The following RXYLT1 variants were observed in gnomAD, a reference collection of about 807,000 sequenced individuals.
RXYLT1 encodes ribitol xylosyltransferase 1.
Under a neutral mutation model 43.5 loss-of-function variants are expected in RXYLT1, and 41 were observed. The ratio of observed to expected loss-of-function variants is 0.94; its 90% CI spans 0.73 to 1.22. RXYLT1 has a LOEUF of 1.22. Among genes scored for constraint, RXYLT1 ranks in the 50% most tolerant of loss-of-function variants. The probability of loss-of-function intolerance (pLI) is 0.00; values close to 1 mark genes in which losing one functional copy is unlikely to be tolerated. For synonymous variants in RXYLT1, 166 were observed against 194.4 expected (o/e 0.85, Z 1.21); for missense variants, 514 against 532.0 (o/e 0.97, Z 0.33).
At chr12:63,780,960 G>T in intron 1 of RXYLT1, 59 bp from the exon 2 acceptor site, 1 of 1,341,166 alleles carries the variant, frequency 7.5e-7, no homozygotes, top group Non-Finnish European at 9.8e-7. Flanking sequence ...TAAATGATTT[G>T]AATTTACCTA....
At chr12:63,798,863 T>C (rs1309733754) in intron 3 of RXYLT1, among the ~76,000 whole-genome samples, 1 of 152,234 alleles carries the variant, frequency 6.6e-6, no homozygotes, top group Non-Finnish European at 1.5e-5. Context: ...TAGTTAAGAA[T>C]GAAATAGGAA....
chr12:63,802,299 C>T lies in RXYLT1; in HGVS notation c.637C>T (p.Pro213Ser). ...NEHCDNEWIN[P>S]FLKRNGGFVE... ...ACATTGTGATAATGAGTGGATAAAC[C>T]CATTCCTCAAAAGAAATGGAGGCTT... is the stretch of plus-strand genomic sequence containing the variant. Residue 213 changes from proline (P) to serine (S), a missense_variant, in exon 4 of 6, where the codon CCA (proline) becomes TCA (serine). Pro to Ser is a moderately conservative substitution (Grantham distance 74). Coordinates refer to ENST00000261234, the MANE Select transcript of RXYLT1 (RefSeq NM_014254.3). 6.2e-7 allele frequency: 1 copy of T among 1,613,646 alleles called. No individual in the cohort carries two copies. The highest frequency in any genetic ancestry group is 8.5e-7 in the Non-Finnish European group (1 of 1,179,706).
In RXYLT1 at chr12:63,802,424, T is replaced by C; in HGVS notation, c.743+19T>C. The C allele has an allele frequency of 1.3e-6, 2 of 1,529,028 alleles. No homozygotes were observed. Among genetic ancestry groups the C allele is most frequent in the Non-Finnish European group, 1.8e-6 (2 of 1,139,794 alleles). The allele number at this position is 1,529,028 out of a possible 1,614,324, so 94.7% of individuals were successfully genotyped here. On this transcript the variant is annotated intron_variant, in intron 4 of 5. Transcript: ENST00000261234. ...TAGCAACGTAAGTACAAAATATGAT[T>C]AAACATTTTTAGGCCCTAACACCTG...
rs769938180 is a variant in RXYLT1, at chr12:63,781,128, A to G, written c.279A>G (p.Lys93=). ...TSLQILDKST[K]GKTDLSVQIW... ...TTCAAATATTAGATAAATCCACGAA[A>G]GGAAAAACAGATCTCAGTGTACAAA... The change falls in exon 2 of 6, where the codon AAA becomes AAG. Residue 93 remains lysine, a synonymous_variant. Transcript: ENST00000261234. 5.0e-5 allele frequency: 80 copies of G among 1,607,596 alleles called. No individual in the cohort carries two copies. Among genetic ancestry groups the G allele is most frequent in the Non-Finnish European group, 6.5e-5 (77 of 1,177,596 alleles).
At chr12:63,791,000 T>G (rs1439004258) in intron 3 of RXYLT1, among the ~76,000 whole-genome samples, 1 of 152,218 alleles carries the variant, frequency 6.6e-6, no homozygotes, top group Non-Finnish European at 1.5e-5. Flanking sequence ...TGCAACATCT[T>G]CCTACAAGCA....
rs1172260144 is a variant in RXYLT1, at chr12:63,802,389, C to A, written c.727C>A (p.Pro243Thr). 5 of 1,576,814 alleles carry A rather than the reference C, an allele frequency of 3.2e-6. No individual in the cohort carries two copies. The highest frequency in any genetic ancestry group is 4.3e-6 in the Non-Finnish European group (5 of 1,159,610). ...TAATGACGTGGATGTTTTTCAGTGG[C>A]CTTTAGGAGTAGCAACGTAAGTACA... ...WINDVDVFQW[P>T]LGVATYRNFP... Residue 243 changes from proline (P) to threonine (T), a missense_variant, in exon 4 of 6, where the codon CCT becomes ACT. Coordinates refer to ENST00000261234, the MANE Select transcript of RXYLT1 (RefSeq NM_014254.3).
At position 63,805,226 on chromosome 12, in the gene RXYLT1, T is replaced by C. The variant is rs1302484090; in HGVS notation, c.744-8T>C. 5 of 1,586,560 alleles carry C rather than the reference T, an allele frequency of 3.2e-6. No individual in the cohort carries two copies. Among genetic ancestry groups the C allele is most frequent in the Non-Finnish European group, 4.3e-6 (5 of 1,170,470 alleles). ...CATATGTTAATTCATGTGTATTTAT[T>C]TTTATAGATACAGGAATTTTCCTGT... On this transcript the variant is annotated splice_polypyrimidine_tract_variant and splice_region_variant and intron_variant, in intron 4 of 5. Coordinates refer to ENST00000261234, the MANE Select transcript of RXYLT1 (RefSeq NM_014254.3).
At chr12:63,789,437 G>A (rs568546587) in intron 3 of RXYLT1, among the ~76,000 whole-genome samples, 1 of 152,268 alleles carries the variant, frequency 6.6e-6, no homozygotes, top group Admixed American at 6.5e-5. Flanking sequence ...CCCACAACAT[G>A]TGGGAATTGT....
intron 4 of RXYLT1, chr12:63,803,753 A>G (rs909178482): frequency 1.5e-4 from 22 of 151,444 alleles, no homozygotes; most frequent in African/African-American, 4.4e-4. Flanking sequence ...GGTAATCATG[A>G]TGTTGTTGCA....
chr12:63,782,411 C>A, intron 2 of RXYLT1: 2 of 438,856 alleles, frequency 4.6e-6, no homozygotes, highest in Middle Eastern at 3.5e-4. Context: ...CTCTTGAAGT[C>A]ATCTTTTCCT....
At chr12:63,795,984 AT>A (rs1157716336) in intron 3 of RXYLT1, among the ~76,000 whole-genome samples, 1 of 152,166 alleles carries the variant, frequency 6.6e-6, no homozygotes, top group Non-Finnish European at 1.5e-5. Flanking sequence ...CCGTATAATT[AT>A]TTTTTTCAGG....
At chr12:63,797,700 A>C (rs2136229067) in intron 3 of RXYLT1, among the ~76,000 whole-genome samples, 2 of 152,256 alleles carry the variant, frequency 1.3e-5, no homozygotes, top group South Asian at 4.1e-4. Flanking sequence ...ATTAAGCAGG[A>C]TAGTGGTATT....
chr12:63,803,318 A>G (rs1210874880), intron 4 of RXYLT1, among the ~76,000 whole-genome samples: 1 of 151,520 alleles, frequency 6.6e-6, no homozygotes, highest in Non-Finnish European at 1.5e-5. Flanking sequence ...AGTTGCCACT[A>G]GTATATAAAC....
intron 2 of RXYLT1, among the ~76,000 whole-genome samples, chr12:63,781,924 T>C (rs746814568): frequency 3.9e-5 from 6 of 152,210 alleles, no homozygotes; most frequent in Non-Finnish European, 8.8e-5. Context: ...ATTTCATAAA[T>C]TCGTTCATAC....
intron 3 of RXYLT1, among the ~76,000 whole-genome samples, chr12:63,793,487 G>A (rs1897962733): frequency 6.6e-6 from 1 of 151,972 alleles, no homozygotes; most frequent in Non-Finnish European, 1.5e-5. Context: ...GTGAAGTGCT[G>A]CAATAAAAGC....
chr12:63,798,772 C>G (rs937938873), intron 3 of RXYLT1, among the ~76,000 whole-genome samples: 2 of 152,202 alleles, frequency 1.3e-5, no homozygotes, highest in African/African-American at 4.8e-5. Context: ...GGAAATGACA[C>G]TGACAGTGTC....
At chr12:63,788,232 T>C (rs2136223809) in intron 3 of RXYLT1, among the ~76,000 whole-genome samples, 1 of 152,354 alleles carries the variant, frequency 6.6e-6, no homozygotes, top group South Asian at 2.1e-4. Flanking sequence ...AGGATAGTTT[T>C]AAAGGTCCTA....
Position 63,808,867 on chromosome 12 carries a change from C to A in RXYLT1, c.1107C>A (p.His369Gln). Residue 369 changes from histidine (H) to glutamine (Q), a missense_variant, in exon 6 of 6, where the codon CAC becomes CAA. Physicochemically the swap from His to Gln is conservative, Grantham distance 24 (BLOSUM62 0). Transcript: ENST00000261234. ...AGNCGNTSVH[H>Q]GAPLQLLKSM... is the part of the protein sequence containing the mutation. The stretch of plus-strand genomic sequence containing the variant: ...ACTGTGGGAATACATCTGTGCACCA[C>A]GGTGCTCCTCTGCAGTTACTCAAGT... The A allele has an allele frequency of 6.2e-7, 1 of 1,614,156 alleles. No individual in the cohort carries two copies. Among genetic ancestry groups the A allele is most frequent in the Non-Finnish European group, 8.5e-7 (1 of 1,180,038 alleles).
Position 63,780,027 on chromosome 12 carries a change from G to T in RXYLT1, c.67G>T (p.Ala23Ser). 1 of 1,609,116 alleles carries T rather than the reference G, an allele frequency of 6.2e-7. No homozygotes were observed. ...CCTGTACTGCCTATTCTCCCTCTAC[G>T]CTGCCTACCACGTCTTCTTCGGGCG... ...IALYCLFSLY[A>S]AYHVFFGRRR... is the part of the protein sequence containing the mutation. The change falls in exon 1 of 6, where the codon GCT (alanine) becomes TCT (serine). Residue 23 changes from alanine (A) to serine (S), a missense_variant. Physicochemically the swap from Ala to Ser is moderately conservative, Grantham distance 99. Transcript: ENST00000261234.
Sources: allele counts gnomAD v4.1 joint callset (sites outside exome capture counted in the v4.1 genomes callset), GRCh38; gene constraint gnomAD v4.1.1; transcripts MANE v1.5; gene names NCBI Gene and HGNC (gene_info 2026-07-23, HGNC 2026-07-21).